NBPF12: variants seen among roughly 807,000 people sequenced by gnomAD.
The protein encoded by NBPF12 is NBPF member 12.
NBPF12 carries 115 observed loss-of-function variants against 146.4 expected under a neutral mutation model. The ratio of observed to expected loss-of-function variants is 0.79; its 90% confidence interval spans 0.68 to 0.92. The LOEUF (loss-of-function observed/expected upper bound fraction) is 0.92. Among genes scored for constraint, NBPF12 ranks in the 40% least tolerant of loss-of-function variants. NBPF12 has a pLI of 0.00. For missense variants in NBPF12, 1,205 were observed against 1,326.8 expected, an observed-to-expected ratio of 0.91 and a Z score of 1.43; for synonymous variants, 385 against 508.9, an observed-to-expected ratio of 0.76 and a Z score of 3.28.
intron 2 of NBPF12, among the ~76,000 whole-genome samples, 188 bp downstream of exon 2, chr1:146,943,750 G>A (rs1654901707): frequency 1.3e-5 from 2 of 151,902 alleles, no homozygotes; most frequent in African/African-American, 4.9e-5. Context: ...CCCTGGACTT[G>A]TAGTGCCATG....
chr1:146,964,063 T>A (rs1361233414), intron 6 of NBPF12, among the ~76,000 whole-genome samples: 1 of 130,128 alleles, frequency 7.7e-6, no homozygotes, highest in African/African-American at 3.0e-5. Flanking sequence ...TGTGGCAGGA[T>A]GGGGGAGACA....
intron 16 of NBPF12, among the ~76,000 whole-genome samples, 159 bp from the exon 20 acceptor site, chr1:146,976,770 G>A (rs1291702492): frequency 4.0e-5 from 6 of 150,110 alleles, no homozygotes; most frequent in Middle Eastern, 3.2e-3. Flanking sequence ...GATGGACCAG[G>A]AAACCATGCC....
chr1:146,974,205 G>A (rs1656846465), intron 14 of NBPF12, among the ~76,000 whole-genome samples: 1 of 147,438 alleles, frequency 6.8e-6, no homozygotes, highest in Non-Finnish European at 1.5e-5. Flanking sequence ...ATGGCCTTAT[G>A]GTGTTATGTG....
chr1:146,952,480 C>T (rs1655367332), intron 2 of NBPF12, among the ~76,000 whole-genome samples: 3 of 151,802 alleles, frequency 2.0e-5, no homozygotes, highest in African/African-American at 7.3e-5. Context: ...ATAAACTGGC[C>T]CTTTATAATA....
intron 19 of NBPF12, among the ~76,000 whole-genome samples, chr1:146,980,399 C>T (rs1291663701): frequency 5.3e-5 from 8 of 152,184 alleles, no homozygotes; most frequent in South Asian, 4.1e-4. Flanking sequence ...GATGCAGTTT[C>T]TTCCTAGCTT....
chr1:146,963,715 T>A (rs1379096731), intron 6 of NBPF12, among the ~76,000 whole-genome samples: 1 of 151,086 alleles, frequency 6.6e-6, no homozygotes, highest in Non-Finnish European at 1.5e-5. Context: ...TCTCTCTCCA[T>A]CTGCAAAGGC....
chr1:146,971,110 C>T (rs1251473451), intron 12 of NBPF12, 73 bp from the exon 16 acceptor site: 77 of 1,605,212 alleles, frequency 4.8e-5, no homozygotes, highest in Non-Finnish European at 6.2e-5. Flanking sequence ...TTGTCAAAAC[C>T]AGCTAGGACT....
chr1:146,959,193 C>T (rs1474260843), intron 2 of NBPF12, among the ~76,000 whole-genome samples: 1 of 92,790 alleles, frequency 1.1e-5, no homozygotes, highest in Non-Finnish European at 2.2e-5. Context: ...AAAGAGAAGT[C>T]GGCCGTGTGC....
intron 27 of NBPF12, 93 bp from the exon 31 acceptor site, chr1:146,989,481 T>A: frequency 8.0e-7 from 1 of 1,251,128 alleles, no homozygotes; most frequent in Non-Finnish European, 1.2e-6. Flanking sequence ...TTTTCTTTTC[T>A]AACCACTTCC....
At chr1:146,953,882 G>A (rs1655435846) in intron 2 of NBPF12, among the ~76,000 whole-genome samples, 1 of 151,928 alleles carries the variant, frequency 6.6e-6, no homozygotes, top group South Asian at 2.1e-4. Context: ...AATTGAAGCT[G>A]TCTTTATTCA....
At position 146,974,296 on chromosome 1, in the gene NBPF12, C is replaced by T. The variant is rs1656851858; in HGVS notation, c.1802-443C>T. Among the ~76,000 whole-genome samples the T allele has an allele frequency of 2.1e-5, 3 of 142,172 alleles. 1 individual carries two copies. Among genetic ancestry groups the T allele is most frequent in the African/African-American group, 8.1e-5 (3 of 36,858 alleles). 93.3% of individuals were successfully genotyped at this position (142,172 alleles called of 152,430 possible). On this transcript the variant is annotated intron_variant, in intron 14 of 33. Coordinates refer to ENST00000617844, the Ensembl canonical transcript of NBPF12. ...AAAATCAAAGATTTTTAAAATCTTT[C>T]ACATACTTGTCCTTGAAATTCCCAG...
At chr1:146,962,346 C>T (rs1341632672) in intron 5 of NBPF12, 83 bp downstream of exon 8, 113 of 1,132,430 alleles carry the variant, frequency 1.0e-4, no homozygotes, top group Non-Finnish European at 1.3e-4. Flanking sequence ...GAAGTAAGAA[C>T]GAAGCTGGGC....
intron 18 of NBPF12, among the ~76,000 whole-genome samples, chr1:146,978,260 AT>A (rs1187524068): frequency 0.03 from 2,531 of 83,862 alleles, 50 homozygotes; most frequent in African/African-American, 0.11. Context: ...AGCGTCGTAG[AT>A]TTTTTTTTTT....
chr1:146,970,764 A>G, intron 12 of NBPF12, 45 bp downstream of exon 15: 3 of 1,283,744 alleles, frequency 2.3e-6, no homozygotes, highest in Non-Finnish European at 3.4e-6. Flanking sequence ...TTAACATATG[A>G]AAATGTCTAG....
chr1:146,940,231 C>T (rs1654737779), intron 1 of NBPF12, among the ~76,000 whole-genome samples: 1 of 151,772 alleles, frequency 6.6e-6, no homozygotes, highest in Non-Finnish European at 1.5e-5. Context: ...AAAATGCTAG[C>T]TTTAAGATTT....
rs1656432983 is a variant in NBPF12 at position 146,969,432 on chromosome 1, G to C, written c.1142G>C (p.Arg381Thr). The change falls in exon 11 of 34, where the codon AGG becomes ACG. Residue 381 changes from arginine to threonine, a missense_variant. By Grantham distance (71) the Arg-to-Thr change is moderately conservative. Around this residue, in one of 16 missense-constraint regions of NBPF12, gnomAD observed 35 missense variants for 106.7 expected, o/e 0.33. Transcript: ENST00000617844. ...CAGGAACGAGAGCTGACCCAGTTAA[G>C]GGAGAAGTTACGGGAAGGGAGAGAT... 11 of 1,427,680 alleles carry C rather than the reference G, an allele frequency of 7.7e-6. No individual in the cohort carries two copies. The South Asian group carries it at 1.3e-4, about 16-fold the overall frequency. The allele number at this position is 1,427,680 out of a possible 1,614,324, so 88.4% of individuals were successfully genotyped here.
intron 6 of NBPF12, among the ~76,000 whole-genome samples, chr1:146,963,747 G>T (rs1312216480): frequency 6.7e-5 from 10 of 148,978 alleles, no homozygotes; most frequent in Non-Finnish European, 1.3e-4. Flanking sequence ...TTCTTGCAAG[G>T]GTCTGAAGCA....
Position 146,984,080 on chromosome 1 carries a change from G to C in NBPF12, c.2615-54G>C, listed in dbSNP as rs1447770116. 21 of 655,318 alleles carry C rather than the reference G, an allele frequency of 3.2e-5. 1 individual carries two copies. Among genetic ancestry groups the C allele is most frequent in the Admixed American group, 2.6e-4 (9 of 35,028 alleles). 40.6% of individuals were successfully genotyped at this position (655,318 alleles called of 1,614,324 possible). ...TAGGATTGGACAGAGGAATGTTTCT[G>C]TGTGCAAGGAAGAACTGCCTAATGT... On this transcript the variant is annotated intron_variant, in intron 20 of 33. Coordinates refer to ENST00000617844, the Ensembl canonical transcript of NBPF12.
intron 31 of NBPF12, among the ~76,000 whole-genome samples, chr1:146,992,464 G>C (rs1251273631): frequency 0.21 from 7,945 of 37,500 alleles, 79 homozygotes; most frequent in Non-Finnish European, 0.25. Context: ...CTCTCTCTCT[G>C]TGTGTGTGTG....
Sources: gnomAD v4.1 joint callset for allele counts (sites outside exome capture counted in the v4.1 genomes callset) on GRCh38, gnomAD v4.1.1 for gene constraint, gnomAD v4.1.1 regional missense constraint, MANE v1.5 for transcripts, NCBI Gene and HGNC (gene_info 2026-07-23, HGNC 2026-07-21) for gene names.